Variants in CDH23 observed in about 807,000 individuals in gnomAD.
CDH23 encodes cadherin-23.
CDH23 carries 189 observed loss-of-function variants against 317.1 expected under a neutral mutation model. The observed-to-expected ratio is 0.60, with a 90% confidence interval of 0.53 to 0.67. CDH23 has a LOEUF of 0.67. Among genes scored for constraint, CDH23 ranks in the 30% least tolerant of loss-of-function variants. The pLI, the probability that CDH23 is intolerant of heterozygous loss-of-function variation, is 0.00. For synonymous variants in CDH23, 1,839 were observed against 1,876.8 expected (o/e 0.98, Z 0.52); for missense variants, 4,401 against 4,592.4 (o/e 0.96, Z 1.20).
At position 71,807,328 on chromosome 10, in the gene CDH23, G is replaced by C; in HGVS notation, c.8230G>C (p.Gly2744Arg). Residue 2744 changes from glycine to arginine, a missense_variant, in exon 58 of 70, where the codon GGC (glycine) becomes CGC (arginine). By Grantham distance (125) the Gly-to-Arg change is moderately radical. Around this residue, in one of 3 missense-constraint regions of CDH23, gnomAD observed 1,144 missense variants for 1,138.2 expected, o/e 1.01. Coordinates refer to ENST00000224721, the MANE Select transcript of CDH23 (RefSeq NM_022124.6). ...LLTVPEHSPR[G>R]TLVGNVTGAV... ...GACAGTGCCTGAGCACTCACCACGC[G>C]GCACCCTCGTGGGCAACGTGACAGG... The C allele has an allele frequency of 6.2e-7, 1 of 1,613,836 alleles. No homozygotes were observed. The highest frequency in any genetic ancestry group is 8.5e-7 in the Non-Finnish European group (1 of 1,179,830).
At chr10:71,758,794 A>G (rs929517679) in intron 38 of CDH23, among the ~76,000 whole-genome samples, 5 of 152,190 alleles carry the variant, frequency 3.3e-5, no homozygotes, top group African/African-American at 1.2e-4. Flanking sequence ...TTGGAGGTCA[A>G]GGTGGGAAGA....
Position 71,798,431 on chromosome 10 carries a change from G to A in CDH23, c.6907G>A (p.Glu2303Lys), listed in dbSNP as rs1193217226. 10 of 1,613,958 alleles carry A rather than the reference G, an allele frequency of 6.2e-6. No homozygotes were observed. The highest frequency in any genetic ancestry group is 1.7e-4 in the Middle Eastern group (1 of 6,060). Residue 2303 changes from glutamate (E) to lysine (K), a missense_variant, in exon 50 of 70, where the codon GAG becomes AAG. Transcript: ENST00000224721. ...FKPFGITYYM[E>K]RILEGATPGT... is the part of the protein sequence containing the mutation. ...GCCCTTTGGGATCACCTACTACATG[G>A]AGCGGATCCTGGAGGGGGCCACCCC... is the stretch of plus-strand genomic sequence containing the variant.
At position 71,663,310 on chromosome 10, in the gene CDH23, C is replaced by T. The variant is rs1256112436; in HGVS notation, c.1450-11802C>T. Among the ~76,000 whole-genome samples, 9 of 152,166 alleles carry T rather than the reference C, an allele frequency of 5.9e-5. No individual in the cohort carries two copies. The East Asian group carries it at 9.6e-4, about 16-fold the overall frequency. ...AATGCCGGCTTTCGTATTTTCTCTC[C>T]GTGCCCCGACCCGTCTCTGAACCAC... On this transcript the variant is annotated intron_variant, in intron 14 of 69. Transcript: ENST00000224721.
chr10:71,693,157 C>T (rs1000217633), intron 20 of CDH23, among the ~76,000 whole-genome samples: 1 of 152,250 alleles, frequency 6.6e-6, no homozygotes, highest in Non-Finnish European at 1.5e-5. Context: ...GGGACTGGCT[C>T]ACCCTGCTCC....
intron 48 of CDH23, among the ~76,000 whole-genome samples, chr10:71,794,874 A>G (rs183282555): frequency 5.3e-5 from 8 of 152,284 alleles, no homozygotes; most frequent in African/African-American, 1.4e-4. Context: ...GTTATTGGTG[A>G]TGGTGGAGTT....
chr10:71,423,923 G>A (rs1257746825), intron 1 of CDH23, among the ~76,000 whole-genome samples: 2 of 152,198 alleles, frequency 1.3e-5, no homozygotes, highest in Non-Finnish European at 2.9e-5. Context: ...TCCAGGTGTC[G>A]GGTGCTTGTG....
intron 34 of CDH23, among the ~76,000 whole-genome samples, chr10:71,736,794 T>A (rs1839579531): frequency 6.6e-6 from 1 of 152,204 alleles, no homozygotes; most frequent in Non-Finnish European, 1.5e-5. Context: ...CCTTCCTAAG[T>A]GTACGATACA....
intron 1 of CDH23, among the ~76,000 whole-genome samples, chr10:71,419,495 C>T (rs1355721647): frequency 6.6e-6 from 1 of 152,146 alleles, no homozygotes; most frequent in African/African-American, 2.4e-5. Context: ...TGGAGGGACA[C>T]TCAGATGTGA....
In CDH23 at chr10:71,806,251, T is replaced by G; in HGVS notation, c.8148T>G (p.Asp2716Glu). 1 of 1,570,026 alleles carries G rather than the reference T, an allele frequency of 6.4e-7. No homozygotes were observed. Among genetic ancestry groups the G allele is most frequent in the Non-Finnish European group, 8.6e-7 (1 of 1,157,742 alleles). ...QPLQVALEDI[D>E]DNEPLFVRPP... ...TGCAGGTGGCCCTGGAGGACATCGA[T>G]GACAACGAACCCCTTTTCGTGAGGC... is the stretch of plus-strand genomic sequence containing the variant. The change falls in exon 57 of 70, where the codon GAT (aspartate) becomes GAG (glutamate). Residue 2716 changes from aspartate (D) to glutamate (E), a missense_variant. Physicochemically the swap from Asp to Glu is conservative, Grantham distance 45. This residue lies in a region of CDH23 where 1,144 missense variants were observed against 1,138.2 expected (regional missense o/e 1.01). Coordinates refer to ENST00000224721, the MANE Select transcript of CDH23 (RefSeq NM_022124.6).
chr10:71,680,951 C>T (rs375044606), intron 17 of CDH23, among the ~76,000 whole-genome samples: 3 of 149,528 alleles, frequency 2.0e-5, no homozygotes, highest in African/African-American at 7.4e-5. Flanking sequence ...GCCTCAGCCT[C>T]CCGAGTAGCT....
chr10:71,654,944 G>A lies in CDH23; in HGVS notation c.1449+8327G>A, dbSNP rs368696225. Among the ~76,000 whole-genome samples, 6 of 152,150 alleles carry A rather than the reference G, an allele frequency of 3.9e-5. No homozygotes were observed. In the East Asian group the frequency reaches 5.8e-4, roughly 15 times the overall value. ...AAGTCCAGATTCAAGGAGAGAGGACGTAGATCTCCCCAGCTGTCAATGGAG... is the reference window on the plus strand; with the variant it reads ...AAGTCCAGATTCAAGGAGAGAGGACATAGATCTCCCCAGCTGTCAATGGAG... On this transcript the variant is annotated intron_variant, in intron 14 of 69. Transcript: ENST00000224721.
At chr10:71,798,146 C>A (rs1179031623) in intron 49 of CDH23, among the ~76,000 whole-genome samples, 2 of 152,080 alleles carry the variant, frequency 1.3e-5, no homozygotes, top group South Asian at 4.1e-4. Flanking sequence ...ACCAGGGTCA[C>A]CTAGCCCTTC....
chr10:71,509,852 T>C lies in CDH23; in HGVS notation c.146-230T>C, dbSNP rs142116602. On this transcript the variant is annotated intron_variant, in intron 3 of 69. Transcript: ENST00000224721. ...TTTTACACACTCAGAACATGGTGAG[T>C]GGTGGTTCCCTGATACCATCATGAC... 23 of 551,500 alleles carry C rather than the reference T, an allele frequency of 4.2e-5. No individual in the cohort carries two copies. The East Asian group carries it at 5.7e-4, about 14-fold the overall frequency. 34.2% of individuals were successfully genotyped at this position (551,500 alleles called of 1,614,324 possible). A position where few individuals can be genotyped will look rare whatever the true frequency, so the allele number is the denominator to read the frequency against.
chr10:71,706,049 C>T (rs1397064523), intron 25 of CDH23, among the ~76,000 whole-genome samples: 1 of 152,146 alleles, frequency 6.6e-6, no homozygotes, highest in Non-Finnish European at 1.5e-5. Flanking sequence ...CGATGATGGA[C>T]AGGGAATATG....
At chr10:71,700,153 G>A (rs572073716) in intron 22 of CDH23, among the ~76,000 whole-genome samples, 2 of 152,314 alleles carry the variant, frequency 1.3e-5, no homozygotes, top group South Asian at 2.1e-4. Context: ...TTGGGAGGCC[G>A]AGGCGGGAGG....
At chr10:71,448,237 AAGCCCGGGCTGGAAGCCCATGTGGC>A (rs1404486612) in intron 3 of CDH23, among the ~76,000 whole-genome samples, 1 of 152,234 alleles carries the variant, frequency 6.6e-6, no homozygotes, top group Non-Finnish European at 1.5e-5. Context: ...TGATGGTGAC[AAGCCCGGGCTGGAAGCCCATGTGGC>A]CAGCCCTTCA....
chr10:71,806,353 T>A, intron 57 of CDH23, 72 bp downstream of exon 57: 1 of 1,016,352 alleles, frequency 9.8e-7, no homozygotes, highest in Non-Finnish European at 1.5e-6. Context: ...CACACTCTCC[T>A]ATATACACTG....
At chr10:71,708,882 C>T (rs1193426598) in intron 26 of CDH23, among the ~76,000 whole-genome samples, 2 of 152,212 alleles carry the variant, frequency 1.3e-5, no homozygotes, top group Non-Finnish European at 2.9e-5. Context: ...GGAGGTGCTT[C>T]GTGAAGGTTA....
chr10:71,478,243 C>T (rs1410973447), intron 3 of CDH23, among the ~76,000 whole-genome samples: 7 of 152,182 alleles, frequency 4.6e-5, no homozygotes, highest in Non-Finnish European at 8.8e-5. Flanking sequence ...CATACTCTGC[C>T]GAGTGCTCTC....
Sources: allele counts gnomAD v4.1 joint callset (sites outside exome capture counted in the v4.1 genomes callset), GRCh38; gene constraint gnomAD v4.1.1; regional missense constraint gnomAD v4.1.1; transcripts MANE v1.5; gene names NCBI Gene and HGNC (gene_info 2026-07-23, HGNC 2026-07-21).